The following MDC1 variants were observed in gnomAD, a reference collection of about 807,000 sequenced individuals.
The protein encoded by MDC1 is mediator of DNA damage checkpoint protein 1.
Under a neutral mutation model 142.5 loss-of-function variants are expected in MDC1, and 81 were observed. That is an observed-to-expected ratio of 0.57 (90% CI 0.47 to 0.68). The LOEUF (loss-of-function observed/expected upper bound fraction) is 0.68. MDC1 is among the 30% of genes least tolerant of loss of function. The probability of loss-of-function intolerance (pLI) is 0.00; values close to 1 mark genes in which losing one functional copy is unlikely to be tolerated. For missense variants in MDC1, 2,119 were observed against 2,547.9 expected, an observed-to-expected ratio of 0.83 and a Z score of 3.62; for synonymous variants, 797 against 968.4, an observed-to-expected ratio of 0.82 and a Z score of 3.29.
chr6:30,715,307 T>C lies in MDC1; in HGVS notation c.-3-129A>G. The stretch of plus-strand genomic sequence containing the variant: ...GTTGATGCTTCTCTTTCCACCAATC[T>C]TTCTGTTGTTAACCTTCTGAAGCAC... On this transcript the variant is annotated intron_variant, in intron 1 of 14. Transcript: ENST00000376406. This position sits in a 1 kb window ranked among gnomAD's most constrained non-coding sequence, Gnocchi z 4.1. 9.5e-7 allele frequency: 1 copy of C among 1,052,334 alleles called. No individual in the cohort carries two copies. The highest frequency in any genetic ancestry group is 1.4e-6 in the Non-Finnish European group (1 of 706,138). 65.2% of individuals were successfully genotyped at this position (1,052,334 alleles called of 1,614,324 possible).
In MDC1 at chr6:30,703,060, G is replaced by C; in HGVS notation, c.5865+44C>G. 1 of 1,595,590 alleles carries C rather than the reference G, an allele frequency of 6.3e-7. No homozygotes were observed. Among genetic ancestry groups the C allele is most frequent in the Non-Finnish European group, 8.6e-7 (1 of 1,168,644 alleles). On this transcript the variant is annotated intron_variant, in intron 12 of 14. Transcript: ENST00000376406. The surrounding 1 kb of genome is among the most constrained non-coding windows in gnomAD (Gnocchi z 4.4). ...CACTTTCTAGGGCACTATATGAGCA[G>C]TCTTGCCACTATATCGGTCTGTCAT...
At position 30,703,950 on chromosome 6, in the gene MDC1, G is replaced by T. The variant is rs1773240105; in HGVS notation, c.5233C>A (p.Pro1745Thr). Residue 1745 changes from proline (P) to threonine (T), a missense_variant, in exon 10 of 15, where the codon CCC becomes ACC. By Grantham distance (38) the Pro-to-Thr change is conservative. Transcript: ENST00000376406. This position sits in a 1 kb window ranked among gnomAD's most constrained non-coding sequence, Gnocchi z 4.4. ...GAGGCCTGGGATTTAGGTTCCAAGG[G>T]TGCAGAGCAAGGCTTATGGTCAATG... is the stretch of plus-strand genomic sequence containing the variant. ...APIDHKPCSAPLEPKSQASRN... is the reference protein window; with the variant it reads ...APIDHKPCSATLEPKSQASRN... 1 of 1,614,072 alleles carries T rather than the reference G, an allele frequency of 6.2e-7. No individual in the cohort carries two copies.
Position 30,704,237 on chromosome 6 carries a change from G to A in MDC1, c.4946C>T (p.Thr1649Ile). The A allele has an allele frequency of 6.2e-7, 1 of 1,613,818 alleles. No homozygotes were observed. The highest frequency in any genetic ancestry group is 1.1e-5 in the South Asian group (1 of 91,044). The change falls in exon 10 of 15, where the codon ACT (threonine) becomes ATT (isoleucine). Residue 1649 changes from threonine (T) to isoleucine (I), a missense_variant. Physicochemically the swap from Thr to Ile is moderately conservative, Grantham distance 89. Transcript: ENST00000376406. ...GGCTGCTGGTTCAACTGGTTTGGGAGTCTTGACAGAGGACCTATTTGTCTT... is the reference window on the plus strand; with the variant it reads ...GGCTGCTGGTTCAACTGGTTTGGGAATCTTGACAGAGGACCTATTTGTCTT... ...RRKTNRSSVK[T>I]PKPVEPAASD...
chr6:30,711,571 C>T, intron 6 of MDC1, 67 bp from the exon 7 acceptor site: 1 of 1,598,154 alleles, frequency 6.3e-7, no homozygotes, highest in African/African-American at 1.3e-5. Context: ...TCCTGGTCTC[C>T]TACCCTACCC....
Position 30,712,011 on chromosome 6 carries a change from TTC to T in MDC1, c.1929_1930del (p.Asn644ProfsTer41), listed in dbSNP as rs757667539. On this transcript the variant is annotated frameshift_variant, in exon 5 of 15. Coordinates refer to ENST00000376406, the MANE Select transcript of MDC1 (RefSeq NM_014641.3). LOFTEE classifies it high-confidence loss of function. This position sits in a 1 kb window ranked among gnomAD's most constrained non-coding sequence, Gnocchi z 4.7. ...TGTGTCCACCACCAGATCTGTGAGGTTCTCTCTTGAGATAGGGAGGTCCTGCT... is the reference window on the plus strand; with the variant it reads ...TGTGTCCACCACCAGATCTGTGAGGTTCTCTTGAGATAGGGAGGTCCTGCT... 2 of 1,599,328 alleles carry T rather than the reference TTC, an allele frequency of 1.3e-6. No individual in the cohort carries two copies. Among genetic ancestry groups the T allele is most frequent in the Non-Finnish European group, 1.7e-6 (2 of 1,173,138 alleles).
In MDC1 at chr6:30,712,426, G is replaced by T. The variant is rs1775052172; in HGVS notation, c.1516C>A (p.Pro506Thr). Residue 506 changes from proline to threonine, a missense_variant, in exon 5 of 15, where the codon CCT becomes ACT. Transcript: ENST00000376406. The surrounding 1 kb of genome is among the most constrained non-coding windows in gnomAD (Gnocchi z 4.7). Reference sequence around the variant, plus strand: ...TGGCTTCTCTCCAGGTGGATCCCAGGTGAGCTCTTATCTGCTTCCACACTG... The same window carrying T: ...TGGCTTCTCTCCAGGTGGATCCCAGTTGAGCTCTTATCTGCTTCCACACTG... ...DDSVEADKSS[P>T]GIHLERSQAS... 1 of 1,613,018 alleles carries T rather than the reference G, an allele frequency of 6.2e-7. No individual in the cohort carries two copies. The highest frequency in any genetic ancestry group is 2.2e-5 in the East Asian group (1 of 44,882).
rs769184485 is a variant in MDC1, at chr6:30,703,538, C to G, written c.5563-1G>C. ...TGCCTGGTTTTGGAGTCACGACATC[C>G]TGAGATTGAGAAAAATCTTGGTGGG... On this transcript the variant is annotated splice_acceptor_variant, in intron 10 of 14. Coordinates refer to ENST00000376406, the MANE Select transcript of MDC1 (RefSeq NM_014641.3). LOFTEE classifies it high-confidence loss of function. The surrounding 1 kb of genome is among the most constrained non-coding windows in gnomAD (Gnocchi z 4.4). The G allele has an allele frequency of 6.2e-7, 1 of 1,613,028 alleles. No individual in the cohort carries two copies. Among genetic ancestry groups the G allele is most frequent in the Admixed American group, 1.7e-5 (1 of 60,006 alleles).
chr6:30,714,250 T>C, intron 2 of MDC1, 67 bp from the exon 3 acceptor site: 2 of 1,491,666 alleles, frequency 1.3e-6, no homozygotes, highest in Admixed American at 4.3e-5. Flanking sequence ...AAAAAGTGCC[T>C]ATTAGGTACT....
Position 30,705,818 on chromosome 6 carries a change from G to A in MDC1, c.3365C>T (p.Ser1122Phe), listed in dbSNP as rs1284900880. Residue 1122 changes from serine (S) to phenylalanine (F), a missense_variant, in exon 10 of 15, where the codon TCT (serine) becomes TTT (phenylalanine). Ser to Phe is a radical substitution (Grantham distance 155). Transcript: ENST00000376406. ...SSRMTPFPATSAAPEPHPSTS... is the reference protein window; with the variant it reads ...SSRMTPFPATFAAPEPHPSTS... ...GGAAGGGTGGGGCTCAGGGGCAGCA[G>A]AGGTAGCTGGAAAGGGTGTCATTCT... 2 of 1,612,548 alleles carry A rather than the reference G, an allele frequency of 1.2e-6. No individual in the cohort carries two copies. The highest frequency in any genetic ancestry group is 1.7e-6 in the Non-Finnish European group (2 of 1,179,172).
intron 7 of MDC1, among the ~76,000 whole-genome samples, chr6:30,708,855 C>CAAAAAAAAAAAAA (rs59939040): frequency 3.6e-5 from 2 of 55,236 alleles, no homozygotes; most frequent in East Asian, 1.1e-3. Flanking sequence ...GACTCTGTCT[C>CAAAAAAAAAAAAA]AAAAAAAAAA....
intron 2 of MDC1, 138 bp downstream of exon 2, chr6:30,714,902 G>T: frequency 1.2e-6 from 1 of 845,714 alleles, no homozygotes. Flanking sequence ...CAACTCAATC[G>T]GCCCCATCTC....
Position 30,711,435 on chromosome 6 carries a change from G to A in MDC1, c.2198C>T (p.Ser733Phe). The stretch of plus-strand genomic sequence containing the variant: ...ACCTGTTGTCTGGAAGCTGCAATGG[G>A]AAGGGCCAAGCTCTTGGGGTGGAGT... ...MLTPPQELGP[S>F]HCSFQTTGTL... The change falls in exon 7 of 15, where the codon TCC becomes TTC. Residue 733 changes from serine to phenylalanine, a missense_variant. Transcript: ENST00000376406. 6.2e-7 allele frequency: 1 copy of A among 1,613,114 alleles called. No individual in the cohort carries two copies. Among genetic ancestry groups the A allele is most frequent in the Non-Finnish European group, 8.5e-7 (1 of 1,180,022 alleles).
chr6:30,705,587 G>A lies in MDC1; in HGVS notation c.3596C>T (p.Pro1199Leu). The change falls in exon 10 of 15, where the codon CCT becomes CTT. Residue 1199 changes from proline (P) to leucine (L), a missense_variant. Pro to Leu is a moderately conservative substitution (Grantham distance 98). Coordinates refer to ENST00000376406, the MANE Select transcript of MDC1 (RefSeq NM_014641.3). ...GRKSRSSVKT[P>L]ETVVPTALEL... is the part of the protein sequence containing the mutation. ...AAGGGCTGTGGGCACAACTGTTTCA[G>A]GGGTCTTGACAGAGGATCTACTTTT... The A allele has an allele frequency of 6.2e-7, 1 of 1,607,640 alleles. No homozygotes were observed. Among genetic ancestry groups the A allele is most frequent in the Non-Finnish European group, 8.5e-7 (1 of 1,177,184 alleles).
Position 30,705,085 on chromosome 6 carries a change from A to C in MDC1, c.4098T>G (p.Thr1366=), listed in dbSNP as rs758821594. Residue 1366 remains threonine (T), a synonymous_variant, in exon 10 of 15, where the codon ACT becomes ACG. Coordinates refer to ENST00000376406, the MANE Select transcript of MDC1 (RefSeq NM_014641.3). ...NMSSVKNPES[T]VPIAPELPPS... The stretch of plus-strand genomic sequence containing the variant: ...GTGGGAGCTCAGGGGCTATAGGGAC[A>C]GTTGATTCAGGGTTCTTCACAGAGG... 3.1e-6 allele frequency: 5 copies of C among 1,612,694 alleles called. No homozygotes were observed. The highest frequency in any genetic ancestry group is 4.2e-6 in the Non-Finnish European group (5 of 1,179,726).
chr6:30,713,825 A>G lies in MDC1; in HGVS notation c.495T>C (p.Ala165=). ...GETQPQRLLL[A]EDSEEEVDFL... ...TACCTACTTCCTCCTCCGAGTCCTC[A>G]GCCAACAGAAGCCTCTGGGGTTGAG... The change falls in exon 3 of 15, where the codon GCT becomes GCC. Residue 165 remains alanine, a synonymous_variant. Transcript: ENST00000376406. This position sits in a 1 kb window ranked among gnomAD's most constrained non-coding sequence, Gnocchi z 4.9. 6.2e-7 allele frequency: 1 copy of G among 1,614,034 alleles called. No individual in the cohort carries two copies. The highest frequency in any genetic ancestry group is 8.5e-7 in the Non-Finnish European group (1 of 1,179,958).
chr6:30,712,027 G>T lies in MDC1; in HGVS notation c.1915C>A (p.Pro639Thr), dbSNP rs148878984. ...PPVAQVEQDL[P>T]ISRENLTDLV... Reference sequence around the variant, plus strand: ...TCTGTGAGGTTCTCTCTTGAGATAGGGAGGTCCTGCTCCACTTGTGCCACA... The same window carrying T: ...TCTGTGAGGTTCTCTCTTGAGATAGTGAGGTCCTGCTCCACTTGTGCCACA... The change falls in exon 5 of 15, where the codon CCT (proline) becomes ACT (threonine). Residue 639 changes from proline (P) to threonine (T), a missense_variant. Physicochemically the swap from Pro to Thr is conservative, Grantham distance 38 (BLOSUM62 -1). Coordinates refer to ENST00000376406, the MANE Select transcript of MDC1 (RefSeq NM_014641.3). This position sits in a 1 kb window ranked among gnomAD's most constrained non-coding sequence, Gnocchi z 4.7. 6.3e-7 allele frequency: 1 copy of T among 1,598,298 alleles called. No homozygotes were observed. Among genetic ancestry groups the T allele is most frequent in the Non-Finnish European group, 8.5e-7 (1 of 1,172,494 alleles).
chr6:30,707,972 GGTGTC>G lies in MDC1; in HGVS notation c.2602_2606del (p.Asp868ProfsTer6). 6.2e-7 allele frequency: 1 copy of G among 1,612,862 alleles called. No individual in the cohort carries two copies. Among genetic ancestry groups the G allele is most frequent in the Non-Finnish European group, 8.5e-7 (1 of 1,180,002 alleles). On this transcript the variant is annotated frameshift_variant, in exon 8 of 15. Transcript: ENST00000376406. LOFTEE classifies it high-confidence loss of function. Reference sequence around the variant, plus strand: ...CATTTTTGTCAGATTCTTGTCTCTGGGTGTCTCTAGCTAACAACTGTTTTTGTTCT... The same window carrying G: ...CATTTTTGTCAGATTCTTGTCTCTGGTCTAGCTAACAACTGTTTTTGTTCT...
chr6:30,704,899 G>C lies in MDC1; in HGVS notation c.4284C>G (p.Pro1428=), dbSNP rs1295751461. The C allele has an allele frequency of 1.2e-6, 2 of 1,604,190 alleles. No homozygotes were observed. Among genetic ancestry groups the C allele is most frequent in the African/African-American group, 2.7e-5 (2 of 74,124 alleles). ...TCCTGCCCCTGGTGGCCTGAGATGTGGGCTCAGGAGTGACAGGTTGGTCTG... is the reference window on the plus strand; with the variant it reads ...TCCTGCCCCTGGTGGCCTGAGATGTCGGCTCAGGAGTGACAGGTTGGTCTG... The part of the protein sequence containing the change: ...TSTDQPVTPE[P]TSQATRGRTN... Residue 1428 remains proline (P), a synonymous_variant, in exon 10 of 15, where the codon CCC becomes CCG. Coordinates refer to ENST00000376406, the MANE Select transcript of MDC1 (RefSeq NM_014641.3).
intron 9 of MDC1, 34 bp downstream of exon 9, chr6:30,707,350 T>C: frequency 6.3e-7 from 1 of 1,596,324 alleles, no homozygotes; most frequent in Non-Finnish European, 8.6e-7. Flanking sequence ...TAGAGATGAC[T>C]TGTGGAATAG....
Sources: allele counts gnomAD v4.1 joint callset (sites outside exome capture counted in the v4.1 genomes callset), GRCh38; gene constraint gnomAD v4.1.1; non-coding constraint Gnocchi (gnomAD v3.1); transcripts MANE v1.5; gene names NCBI Gene and HGNC (gene_info 2026-07-23, HGNC 2026-07-21).